The following USP54 variants were observed in gnomAD, a reference collection of about 807,000 sequenced individuals.
USP54 encodes ubiquitin carboxyl-terminal hydrolase 54.
USP54 carries 87 observed loss-of-function variants against 170.5 expected under a neutral mutation model. The ratio of observed to expected loss-of-function variants is 0.51; its 90% CI spans 0.43 to 0.61. The LOEUF (loss-of-function observed/expected upper bound fraction) is 0.61. Among genes scored for constraint, USP54 ranks in the 20% least tolerant of loss-of-function variants. The probability of loss-of-function intolerance (pLI) is 0.00; values close to 1 mark genes in which losing one functional copy is unlikely to be tolerated. For synonymous variants in USP54, 655 were observed against 742.8 expected (o/e 0.88, Z 1.92); for missense variants, 1,786 against 2,047.8 (o/e 0.87, Z 2.47).
In USP54 at chr10:73,499,067, G is replaced by A; in HGVS notation, c.4617C>T (p.Asp1539=). 1 of 1,614,176 alleles carries A rather than the reference G, an allele frequency of 6.2e-7. No individual in the cohort carries two copies. The highest frequency in any genetic ancestry group is 8.5e-7 in the Non-Finnish European group (1 of 1,180,026). The change falls in exon 24 of 24, where the codon GAC becomes GAT. Residue 1539 remains aspartate, a synonymous_variant. Transcript: ENST00000687698. ...TCTCTGACCAGGGTGCCCAGGAGTT[G>A]TCTGTTCTGGAGCGATGGGGGAGGC... ...YQSLPHRSRT[D]NSWAPWSETN... is the part of the protein sequence containing the mutation.
chr10:73,529,816 G>A lies in USP54; in HGVS notation c.1924C>T (p.Arg642Trp), dbSNP rs139590932. 2.2e-3 allele frequency: 3,489 copies of A among 1,611,604 alleles called. 10 individuals carry two copies. Among genetic ancestry groups the A allele is most frequent in the Admixed American group, 3.2e-3 (193 of 59,752 alleles). The change falls in exon 15 of 24, where the codon CGG (arginine) becomes TGG (tryptophan). Residue 642 changes from arginine to tryptophan, a missense_variant. Transcript: ENST00000687698. ...TGCTCTAAAAGGTGAGAGCCTGGCC[G>A]TGCTGGGCCCCAGCGCTTGTACTGG... Reference protein sequence around the residue: ...SPQYKRWGPARPGSHLLEQHP... With the variant: ...SPQYKRWGPAWPGSHLLEQHP...
rs1269576480 is a variant in USP54, at chr10:73,519,873, G to C, written c.2602C>G (p.Gln868Glu). 1.2e-6 allele frequency: 2 copies of C among 1,614,150 alleles called. No individual in the cohort carries two copies. The highest frequency in any genetic ancestry group is 1.7e-6 in the Non-Finnish European group (2 of 1,180,034). Residue 868 changes from glutamine to glutamate, a missense_variant, in exon 19 of 24, where the codon CAG becomes GAG. Around this residue, in one of 3 missense-constraint regions of USP54, gnomAD observed 1,418 missense variants for 1,569.0 expected, o/e 0.90. Transcript: ENST00000687698. ...TGCGACGGCTGCTGTGGTGATTGCTGCTGCTGCATGCGATCCTGCAGGCTC... is the reference window on the plus strand; with the variant it reads ...TGCGACGGCTGCTGTGGTGATTGCTCCTGCTGCATGCGATCCTGCAGGCTC... ...ARSLQDRMQQQQSPQQPSQPS... is the reference protein window; with the variant it reads ...ARSLQDRMQQEQSPQQPSQPS...
intron 1 of USP54, among the ~76,000 whole-genome samples, chr10:73,617,538 G>T (rs1253030227): frequency 6.7e-6 from 1 of 150,018 alleles, no homozygotes; most frequent in Non-Finnish European, 1.5e-5. Flanking sequence ...AATTTAAAAT[G>T]AGATCACTTG....
At chr10:73,526,142 G>C (rs559003936) in intron 16 of USP54, among the ~76,000 whole-genome samples, 1 of 152,292 alleles carries the variant, frequency 6.6e-6, no homozygotes, top group East Asian at 1.9e-4. Context: ...CAGGTAGAAA[G>C]AAATATTCAT....
chr10:73,530,501 C>G lies in USP54; in HGVS notation c.1470G>C (p.Gln490His). 6.2e-7 allele frequency: 1 copy of G among 1,609,378 alleles called. No homozygotes were observed. The highest frequency in any genetic ancestry group is 1.3e-5 in the African/African-American group (1 of 74,722). The change falls in exon 14 of 24, where the codon CAG becomes CAC. Residue 490 changes from glutamine (Q) to histidine (H), a missense_variant. By Grantham distance (24) the Gln-to-His change is conservative (BLOSUM62 0). This residue lies in a region of USP54 where 1,418 missense variants were observed against 1,569.0 expected (regional missense o/e 0.90). Transcript: ENST00000687698. ...HSEGETLKEK[Q>H]APRNASKPSS... is the part of the protein sequence containing the mutation. ...ATGGTTTGGAGGCATTTCTAGGAGC[C>G]TGCTTCTCTTTCAGTGTTTCTCCTA...
chr10:73,505,589 G>A, intron 20 of USP54, 163 bp from the exon 21 acceptor site: 5 of 590,952 alleles, frequency 8.5e-6, no homozygotes, highest in South Asian at 8.4e-5. Context: ...AAGCAAGAGG[G>A]GCTGGGCGCG....
intron 1 of USP54, among the ~76,000 whole-genome samples, chr10:73,623,212 G>A (rs1380804417): frequency 3.3e-5 from 5 of 151,880 alleles, no homozygotes; most frequent in South Asian, 2.1e-4. Context: ...GCAAGACCTC[G>A]TCTCTACAAA....
intron 14 of USP54, 89 bp downstream of exon 14, chr10:73,530,054 C>T: frequency 1.3e-6 from 2 of 1,520,336 alleles, no homozygotes; most frequent in South Asian, 1.3e-5. Flanking sequence ...AAAAGTGCCC[C>T]TTGCCAGATG....
chr10:73,549,606 C>A (rs889805053), intron 4 of USP54, among the ~76,000 whole-genome samples: 1 of 152,088 alleles, frequency 6.6e-6, no homozygotes, highest in African/African-American at 2.4e-5. Flanking sequence ...TCCCCTATTT[C>A]CACTCTCAAA....
chr10:73,617,660 T>C lies in USP54; in HGVS notation c.-18+7907A>G. ...GCCTGGGCAATATAGTGAGACCTCA[T>C]CTCTTCAAAAAAATTAAAAATTAGA... On this transcript the variant is annotated intron_variant, in intron 1 of 22. Coordinates refer to the USP54 transcript ENST00000339859. Among the ~76,000 whole-genome samples the C allele has an allele frequency of 1.3e-5, 2 of 149,786 alleles. 1 individual carries two copies. Among genetic ancestry groups the C allele is most frequent in the Non-Finnish European group, 2.9e-5 (2 of 68,010 alleles).
chr10:73,512,710 A>G (rs2060406458), intron 20 of USP54, among the ~76,000 whole-genome samples: 1 of 151,938 alleles, frequency 6.6e-6, no homozygotes, highest in Admixed American at 6.6e-5. Flanking sequence ...TATTGAGAAT[A>G]GATTGACTAC....
At chr10:73,566,384 A>C (rs1017102681) in intron 4 of USP54, among the ~76,000 whole-genome samples, 6 of 152,184 alleles carry the variant, frequency 3.9e-5, no homozygotes, top group Non-Finnish European at 8.8e-5. Context: ...TCTCAAAAAC[A>C]GATAATTTTA....
chr10:73,499,425 A>G (rs1589745036), intron 23 of USP54, among the ~76,000 whole-genome samples: 1 of 152,066 alleles, frequency 6.6e-6, no homozygotes, highest in African/African-American at 2.4e-5. Flanking sequence ...ATGTTGCCAT[A>G]CCTCTACCTC....
chr10:73,579,001 C>T (rs937982072), intron 1 of USP54, among the ~76,000 whole-genome samples: 12 of 143,510 alleles, frequency 8.4e-5, no homozygotes, highest in African/African-American at 2.6e-4. Context: ...AGTGTAGTGG[C>T]GTGGTCTCAG....
At chr10:73,540,784 A>T (rs2066458426) in intron 9 of USP54, among the ~76,000 whole-genome samples, 1 of 152,158 alleles carries the variant, frequency 6.6e-6, no homozygotes. Context: ...CAGCCTACTC[A>T]GGTAAGATTC....
upstream of USP54, among the ~76,000 whole-genome samples, chr10:73,593,134 G>C (rs2078421641): frequency 6.6e-6 from 1 of 152,068 alleles, no homozygotes; most frequent in Non-Finnish European, 1.5e-5. Flanking sequence ...CATTGCGGGA[G>C]GATCATTTGA....
intron 19 of USP54, among the ~76,000 whole-genome samples, chr10:73,518,434 CT>C (rs1413651470): frequency 1.3e-5 from 2 of 152,214 alleles, no homozygotes; most frequent in Admixed American, 1.3e-4. Context: ...GTATTTCTGA[CT>C]TTAAAAACTT....
chr10:73,543,218 C>T, intron 5 of USP54, 87 bp from the exon 6 acceptor site: 1 of 903,580 alleles, frequency 1.1e-6, no homozygotes, highest in Non-Finnish European at 1.8e-6. Context: ...ATAGAAACAG[C>T]AACCCTTCTG....
At chr10:73,534,331 C>T (rs778485059) in intron 12 of USP54, among the ~76,000 whole-genome samples, 2 of 152,178 alleles carry the variant, frequency 1.3e-5, no homozygotes, top group South Asian at 2.1e-4. Context: ...CTCAGCCTCC[C>T]GAGTAGGTAG....
Sources: allele counts gnomAD v4.1 joint callset (sites outside exome capture counted in the v4.1 genomes callset), GRCh38; gene constraint gnomAD v4.1.1; regional missense constraint gnomAD v4.1.1; transcripts MANE v1.5; gene names NCBI Gene and HGNC (gene_info 2026-07-23, HGNC 2026-07-21).